The following GALNT6 variants were observed in gnomAD, a reference collection of about 807,000 sequenced individuals.
GALNT6 encodes the protein GalNAc transferase 6.
GALNT6 carries 51 observed loss-of-function variants against 65.9 expected under a neutral mutation model. The observed-to-expected ratio is 0.77, with a 90% CI of 0.62 to 0.98. The LOEUF is 0.98. Ranked by LOEUF, GALNT6 falls within the 50% of genes least tolerant of loss-of-function variation. The pLI is 0.00. For synonymous variants in GALNT6, 323 were observed against 315.1 expected (o/e 1.02, Z -0.26); for missense variants, 708 against 803.3 (o/e 0.88, Z 1.43).
At chr12:51,356,164 GTGTGTGTATATATATA>G (rs750705558) in intron 10 of GALNT6, among the ~76,000 whole-genome samples, 1,584 of 150,876 alleles carry the variant, frequency 0.01, 13 homozygotes, top group Middle Eastern at 0.021. Flanking sequence ...ATATATATGT[GTGTGTGTATATATATA>G]TGTGTGTATA....
At chr12:51,371,272 C>T (rs1040604484) in intron 4 of GALNT6, among the ~76,000 whole-genome samples, 5 of 151,844 alleles carry the variant, frequency 3.3e-5, no homozygotes, top group Admixed American at 1.3e-4. Flanking sequence ...TTAGTAGAGA[C>T]GGGGTTTCTC....
At chr12:51,376,694 G>A (rs1947467001) in intron 4 of GALNT6, among the ~76,000 whole-genome samples, 1 of 151,950 alleles carries the variant, frequency 6.6e-6, no homozygotes, top group Non-Finnish European at 1.5e-5. Context: ...TTCAGGGCAG[G>A]GTCTGTCTCC....
chr12:51,357,470 G>A lies in GALNT6; in HGVS notation c.1501-20C>T. The A allele has an allele frequency of 6.4e-7, 1 of 1,574,594 alleles. No homozygotes were observed. Among genetic ancestry groups the A allele is most frequent in the Non-Finnish European group, 8.7e-7 (1 of 1,144,094 alleles). On this transcript the variant is annotated intron_variant, in intron 9 of 11. Coordinates refer to ENST00000356317, the MANE Select transcript of GALNT6 (RefSeq NM_007210.4). Reference sequence around the variant, plus strand: ...CTTGATCTGCAGAAGGGTGAGCAGAGAGGGGAAGCAGGATGGCACAGTCAG... The same window carrying A: ...CTTGATCTGCAGAAGGGTGAGCAGAAAGGGGAAGCAGGATGGCACAGTCAG...
chr12:51,374,492 C>T (rs950848739), intron 4 of GALNT6, among the ~76,000 whole-genome samples: 1 of 152,178 alleles, frequency 6.6e-6, no homozygotes, highest in Non-Finnish European at 1.5e-5. Context: ...CTTCCACAGC[C>T]CTAGTCCTCT....
chr12:51,351,275 C>T lies in GALNT6; in HGVS notation c.*3104G>A, dbSNP rs569760184. 29 of 152,290 alleles carry T rather than the reference C, an allele frequency of 1.9e-4. No individual in the cohort carries two copies. The highest frequency in any genetic ancestry group is 1.2e-3 in the Admixed American group (19 of 15,296). The allele number at this position is 152,290 out of a possible 1,614,324, so 9.4% of individuals were successfully genotyped here. ...GCCTGGATTACATTCATCTTTATAC[C>T]AACATAGTCATAACATTAATTTTTT... On this transcript the variant is annotated 3_prime_UTR_variant, in exon 12 of 12. Coordinates refer to ENST00000356317, the MANE Select transcript of GALNT6 (RefSeq NM_007210.4).
At chr12:51,355,722 C>T (rs1946724841) in intron 11 of GALNT6, 84 bp downstream of exon 11, 8 of 1,344,012 alleles carry the variant, frequency 6.0e-6, no homozygotes, top group Non-Finnish European at 8.4e-6. Context: ...CCTCCTCGGC[C>T]TCTCAAAGTG....
chr12:51,362,442 G>A (rs761685649), intron 6 of GALNT6, among the ~76,000 whole-genome samples: 52 of 152,258 alleles, frequency 3.4e-4, no homozygotes, highest in Admixed American at 1.9e-3. Context: ...GGGTGGGGGC[G>A]CTACATGAAG....
chr12:51,387,243 G>T lies in GALNT6; in HGVS notation c.-104+3607C>A, dbSNP rs1170661930. Reference sequence around the variant, plus strand: ...CTCCCGGGTAGCTGGGATTACAGGCGCCCGCCACCACGTCCGGCTAATTTT... The same window carrying T: ...CTCCCGGGTAGCTGGGATTACAGGCTCCCGCCACCACGTCCGGCTAATTTT... On this transcript the variant is annotated intron_variant, in intron 2 of 11. Transcript: ENST00000356317. This position sits in a 1 kb window ranked among gnomAD's most constrained non-coding sequence, Gnocchi z 4.2. Among the ~76,000 whole-genome samples, 2 of 151,972 alleles carry T rather than the reference G, an allele frequency of 1.3e-5. No homozygotes were observed. Among genetic ancestry groups the T allele is most frequent in the Non-Finnish European group, 2.9e-5 (2 of 67,994 alleles).
At chr12:51,359,411 C>T in intron 7 of GALNT6, 79 bp from the exon 8 acceptor site, 1 of 940,492 alleles carries the variant, frequency 1.1e-6, no homozygotes, top group Admixed American at 2.3e-5. Context: ...TATTCTATTC[C>T]CAGAGCACCA....
rs771746577 is a variant in GALNT6 at position 51,357,500 on chromosome 12, TTCCTCATGTGTGGTATGGGGCC to T, written c.1501-72_1501-51del. The stretch of plus-strand genomic sequence containing the variant: ...GAAGCAGGATGGCACAGTCAGGAGG[TTCCTCATGTGTGGTATGGGGCC>T]CCACTGGAACAAATTCCAGTCAACT... On this transcript the variant is annotated intron_variant, in intron 9 of 11. Transcript: ENST00000356317. 6 of 1,397,966 alleles carry T rather than the reference TTCCTCATGTGTGGTATGGGGCC, an allele frequency of 4.3e-6. No homozygotes were observed. In the East Asian group the frequency reaches 1.1e-4, roughly 27 times the overall value. The allele number at this position is 1,397,966 out of a possible 1,614,324, so 86.6% of individuals were successfully genotyped here.
At chr12:51,388,120 C>T (rs1947898459) in intron 2 of GALNT6, among the ~76,000 whole-genome samples, 1 of 152,220 alleles carries the variant, frequency 6.6e-6, no homozygotes, top group South Asian at 2.1e-4. Context: ...AATCCTGTCT[C>T]AATTTCAGGT....
At chr12:51,354,892 C>G (rs1424402757) in intron 11 of GALNT6, among the ~76,000 whole-genome samples, 1 of 152,166 alleles carries the variant, frequency 6.6e-6, no homozygotes, top group African/African-American at 2.4e-5. Context: ...CTTTCCTAAG[C>G]TGGGGTGGAG....
chr12:51,371,263 T>C (rs1301683054), intron 4 of GALNT6, among the ~76,000 whole-genome samples: 3 of 152,014 alleles, frequency 2.0e-5, no homozygotes. Context: ...TTTGTATTTT[T>C]AGTAGAGACG....
chr12:51,386,599 C>T (rs1039538077), intron 2 of GALNT6, among the ~76,000 whole-genome samples: 1 of 152,172 alleles, frequency 6.6e-6, no homozygotes, highest in South Asian at 2.1e-4. Flanking sequence ...CAGTCCTTAC[C>T]ACAGCGATAT....
chr12:51,388,663 C>T (rs1489496672), intron 2 of GALNT6, among the ~76,000 whole-genome samples: 1 of 152,186 alleles, frequency 6.6e-6, no homozygotes, highest in Non-Finnish European at 1.5e-5. Flanking sequence ...GGAGAACCAA[C>T]AGGCCTAGAC....
chr12:51,373,720 A>G (rs567438507), intron 4 of GALNT6, among the ~76,000 whole-genome samples: 1 of 152,282 alleles, frequency 6.6e-6, no homozygotes, highest in South Asian at 2.1e-4. Flanking sequence ...CCATTGCTAC[A>G]AAGATTCCCT....
At chr12:51,361,605 CAAGAT>C (rs1400459159) in intron 6 of GALNT6, among the ~76,000 whole-genome samples, 2 of 152,114 alleles carry the variant, frequency 1.3e-5, no homozygotes, top group South Asian at 2.1e-4. Context: ...GGTGTGGACT[CAAGAT>C]AAGATAAATT....
Position 51,364,240 on chromosome 12 carries a change from C to G in GALNT6, c.930G>C (p.Lys310Asn). The change falls in exon 6 of 12, where the codon AAG becomes AAC. Residue 310 changes from lysine (K) to asparagine (N), a missense_variant. Coordinates refer to ENST00000356317, the MANE Select transcript of GALNT6 (RefSeq NM_007210.4). ...TIDLNTFEFA[K>N]PVQRGRVHSR... ...TATGGACTCTGCCCCTCTGGACGGG[C>G]TTGGCGAACTCAAAAGTATTAAGGT... 1 of 1,614,118 alleles carries G rather than the reference C, an allele frequency of 6.2e-7. No individual in the cohort carries two copies. The highest frequency in any genetic ancestry group is 2.2e-5 in the East Asian group (1 of 44,882).
intron 6 of GALNT6, among the ~76,000 whole-genome samples, chr12:51,363,105 C>A (rs1226007773): frequency 6.7e-6 from 1 of 149,716 alleles, no homozygotes; most frequent in African/African-American, 2.4e-5. Context: ...GTATCTCCAA[C>A]CTCTGCATCC....
Sources: gnomAD v4.1 joint callset for allele counts (sites outside exome capture counted in the v4.1 genomes callset) on GRCh38, gnomAD v4.1.1 for gene constraint, Gnocchi (gnomAD v3.1) non-coding constraint, MANE v1.5 for transcripts, NCBI Gene and HGNC (gene_info 2026-07-23, HGNC 2026-07-21) for gene names.